The following CFAP20DC variants were observed in gnomAD, a reference collection of about 807,000 sequenced individuals.
CFAP20DC encodes the protein protein CFAP20DC.
Under a neutral mutation model 101.7 loss-of-function variants are expected in CFAP20DC, and 84 were observed. The observed-to-expected ratio is 0.83, with a 90% CI of 0.69 to 0.99. The LOEUF is 0.99. Ranked by LOEUF, CFAP20DC falls within the 50% of genes least tolerant of loss-of-function variation. CFAP20DC has a pLI of 0.00. For missense variants in CFAP20DC, 1,007 were observed against 970.3 expected (o/e 1.04, Z -0.50); for synonymous variants, 359 against 351.2 (o/e 1.02, Z -0.25).
intron 15 of CFAP20DC, among the ~76,000 whole-genome samples, chr3:58,762,162 G>A (rs1940981176): frequency 6.6e-6 from 1 of 152,130 alleles, no homozygotes; most frequent in Admixed American, 6.5e-5. Context: ...TTATTATTGT[G>A]TGGGAGTCTA....
At chr3:58,726,751 T>C in intron 3 of CFAP20DC, 1 of 220,806 alleles carries the variant, frequency 4.5e-6, no homozygotes, top group Non-Finnish European at 9.2e-6. Context: ...TCAGAAGAGA[T>C]GAGAACAACC....
At chr3:58,848,202 C>T (rs1452303228) in intron 13 of CFAP20DC, among the ~76,000 whole-genome samples, 1 of 150,396 alleles carries the variant, frequency 6.6e-6, no homozygotes, top group Non-Finnish European at 1.5e-5. Context: ...GAGACTGGTA[C>T]ATGATGAATG....
intron 15 of CFAP20DC, among the ~76,000 whole-genome samples, chr3:58,782,813 A>G (rs1034165546): frequency 2.0e-5 from 3 of 152,122 alleles, no homozygotes; most frequent in African/African-American, 7.2e-5. Flanking sequence ...TGGAAGAATT[A>G]ATATTATTAA....
chr3:58,891,434 A>ACCGTG (rs2082250831), intron 6 of CFAP20DC, among the ~76,000 whole-genome samples: 1 of 134,910 alleles, frequency 7.4e-6, no homozygotes, highest in African/African-American at 2.9e-5. Context: ...GGAGAGGGAG[A>ACCGTG]GGGAGAGGGA....
At position 58,870,306 on chromosome 3, in the gene CFAP20DC, T is replaced by C; in HGVS notation, c.719A>G (p.Gln240Arg). 1 of 1,613,308 alleles carries C rather than the reference T, an allele frequency of 6.2e-7. No individual in the cohort carries two copies. Among genetic ancestry groups the C allele is most frequent in the Non-Finnish European group, 8.5e-7 (1 of 1,179,354 alleles). Residue 240 changes from glutamine to arginine, a missense_variant, in exon 8 of 17, where the codon CAG becomes CGG. Transcript: ENST00000482387. ...AATACTTGTTCCTCTGTTAATGAAC[T>C]GATCTGTTTTGTTAAAGGAAGGTAA... ...GHPLRSAESDQFINRGTSITR... is the reference protein window; with the variant it reads ...GHPLRSAESDRFINRGTSITR...
intron 3 of CFAP20DC, among the ~76,000 whole-genome samples, chr3:58,719,698 G>A (rs1055171763): frequency 6.6e-6 from 1 of 152,194 alleles, no homozygotes; most frequent in South Asian, 2.1e-4. Context: ...AAGAAAAGGG[G>A]AAACAGTGGT....
At chr3:58,816,249 C>G (rs1261619777) in intron 14 of CFAP20DC, among the ~76,000 whole-genome samples, 1 of 152,158 alleles carries the variant, frequency 6.6e-6, no homozygotes, top group Non-Finnish European at 1.5e-5. Context: ...TCTCAGTAAA[C>G]TATCGCAAGA....
At chr3:58,843,325 G>A (rs2077321728) in intron 13 of CFAP20DC, among the ~76,000 whole-genome samples, 1 of 152,040 alleles carries the variant, frequency 6.6e-6, no homozygotes, top group African/African-American at 2.4e-5. Flanking sequence ...TAAAGGAGCT[G>A]ATGGAGCTGA....
chr3:58,774,658 T>C (rs1221086192), intron 15 of CFAP20DC, among the ~76,000 whole-genome samples: 1 of 152,246 alleles, frequency 6.6e-6, no homozygotes, highest in East Asian at 1.9e-4. Context: ...AGATGAAATG[T>C]CCTTATTAGA....
At chr3:58,903,011 G>C (rs2083281852) in intron 6 of CFAP20DC, among the ~76,000 whole-genome samples, 1 of 151,944 alleles carries the variant, frequency 6.6e-6, no homozygotes, top group Admixed American at 6.6e-5. Context: ...GAATATACTA[G>C]AATGTTTTCT....
intron 7 of CFAP20DC, among the ~76,000 whole-genome samples, chr3:58,883,593 A>G (rs1335872541): frequency 1.3e-5 from 2 of 152,176 alleles, no homozygotes; most frequent in African/African-American, 2.4e-5. Context: ...ACTTATTTAT[A>G]TAAGTATAGG....
intron 4 of CFAP20DC, among the ~76,000 whole-genome samples, chr3:58,986,001 C>T (rs903681134): frequency 1.3e-5 from 2 of 152,174 alleles, no homozygotes; most frequent in African/African-American, 4.8e-5. Context: ...CCCAGTTCAG[C>T]CTGTAAGCTA....
At chr3:58,783,102 T>G (rs1246389800) in intron 15 of CFAP20DC, among the ~76,000 whole-genome samples, 1 of 151,932 alleles carries the variant, frequency 6.6e-6, no homozygotes, top group Non-Finnish European at 1.5e-5. Context: ...TGGAACAGAA[T>G]AGGGAATCCA....
chr3:58,985,499 C>G (rs1330204900), intron 4 of CFAP20DC, among the ~76,000 whole-genome samples: 1 of 152,152 alleles, frequency 6.6e-6, no homozygotes, highest in African/African-American at 2.4e-5. Flanking sequence ...AATCCCTTGC[C>G]TACAGAATAA....
Position 58,869,190 on chromosome 3 carries a change from C to A in CFAP20DC, c.1015+138G>T. ...AAGAATTTCAAATATATTTCAAAATCAACCACCCTTTTCATTATTAAATGA... is the reference window on the plus strand; with the variant it reads ...AAGAATTTCAAATATATTTCAAAATAAACCACCCTTTTCATTATTAAATGA... On this transcript the variant is annotated intron_variant, in intron 9 of 16. Transcript: ENST00000482387. The surrounding 1 kb of genome is among the most constrained non-coding windows in gnomAD (Gnocchi z 4.3). 1.7e-6 allele frequency: 1 copy of A among 605,774 alleles called. No homozygotes were observed. Among genetic ancestry groups the A allele is most frequent in the Non-Finnish European group, 2.7e-6 (1 of 373,420 alleles). The allele number at this position is 605,774 out of a possible 1,614,324, so 37.5% of individuals were successfully genotyped here.
At chr3:58,803,607 T>G (rs1387483348) in intron 15 of CFAP20DC, among the ~76,000 whole-genome samples, 1 of 152,240 alleles carries the variant, frequency 6.6e-6, no homozygotes, top group Non-Finnish European at 1.5e-5. Flanking sequence ...ACTGACCTCA[T>G]AATTTTATCA....
At chr3:58,735,813 A>T (rs1287912821) in intron 3 of CFAP20DC, among the ~76,000 whole-genome samples, 2 of 152,186 alleles carry the variant, frequency 1.3e-5, no homozygotes, top group African/African-American at 4.8e-5. Context: ...TAAAAATGCA[A>T]ACAGTGATGT....
intron 4 of CFAP20DC, among the ~76,000 whole-genome samples, chr3:59,003,229 TAAGAC>T (rs969023671): frequency 6.6e-5 from 10 of 152,182 alleles, no homozygotes; most frequent in African/African-American, 2.2e-4. Context: ...ATTTTTTTTA[TAAGAC>T]AACAGATAGA....
chr3:58,797,177 G>C (rs949476737), intron 15 of CFAP20DC, among the ~76,000 whole-genome samples: 3 of 152,206 alleles, frequency 2.0e-5, no homozygotes, highest in Non-Finnish European at 2.9e-5. Flanking sequence ...GTTAAGCTTA[G>C]TGAGGAAAGC....
Sources: gnomAD v4.1 joint callset for allele counts (sites outside exome capture counted in the v4.1 genomes callset) on GRCh38, gnomAD v4.1.1 for gene constraint, Gnocchi (gnomAD v3.1) non-coding constraint, MANE v1.5 for transcripts, NCBI Gene and HGNC (gene_info 2026-07-23, HGNC 2026-07-21) for gene names.